Variants in GALNT13 observed in about 807,000 individuals in gnomAD.
The protein encoded by GALNT13 is UDP-GalNAc:polypeptide N-acetylgalactosaminyltransferase 13.
Under a neutral mutation model 64.2 loss-of-function variants are expected in GALNT13, and 28 were observed. The observed-to-expected ratio is 0.44, with a 90% CI of 0.32 to 0.60. GALNT13 has a LOEUF of 0.60. Among genes scored for constraint, GALNT13 ranks in the 20% least tolerant of loss-of-function variants. GALNT13 has a pLI of 0.05. For missense variants in GALNT13, 577 were observed against 669.8 expected, an observed-to-expected ratio of 0.86 and a Z score of 1.53; for synonymous variants, 214 against 224.6, an observed-to-expected ratio of 0.95 and a Z score of 0.42.
intron 3 of GALNT13, among the ~76,000 whole-genome samples, chr2:154,113,390 G>A (rs1558965216): frequency 6.6e-6 from 1 of 152,166 alleles, no homozygotes; most frequent in Admixed American, 6.5e-5. Context: ...GCAGCCTTTC[G>A]GGTCACTTGA....
chr2:153,987,917 C>G (rs538721384), intron 3 of GALNT13, among the ~76,000 whole-genome samples: 1 of 151,852 alleles, frequency 6.6e-6, no homozygotes, highest in Admixed American at 6.6e-5. Flanking sequence ...ATTAAAAGGT[C>G]TGAAACTATT....
At chr2:153,875,593 G>A (rs1398069295) in intron 1 of GALNT13, among the ~76,000 whole-genome samples, 1 of 152,150 alleles carries the variant, frequency 6.6e-6, no homozygotes, top group African/African-American at 2.4e-5. Context: ...AGCTTGTACA[G>A]CTTATAAAGA....
chr2:153,432,564 C>T, the GALNT13 span, among the ~76,000 whole-genome samples: 2 of 152,094 alleles, frequency 1.3e-5, no homozygotes, highest in Admixed American at 1.3e-4. Context: ...CAGATTAATA[C>T]ACACTTGGGT....
At chr2:153,263,240 G>A in the GALNT13 span, among the ~76,000 whole-genome samples, 1 of 151,880 alleles carries the variant, frequency 6.6e-6, no homozygotes, top group Non-Finnish European at 1.5e-5. Context: ...AGCTAACAAG[G>A]GAAGTGAAGG....
At chr2:153,630,715 A>C in the GALNT13 span, among the ~76,000 whole-genome samples, 1 of 139,032 alleles carries the variant, frequency 7.2e-6, no homozygotes, top group African/African-American at 2.6e-5. Context: ...AGATGGATTA[A>C]AGAATTAAAT....
chr2:153,383,734 T>G, the GALNT13 span, among the ~76,000 whole-genome samples: 1 of 152,036 alleles, frequency 6.6e-6, no homozygotes, highest in African/African-American at 2.4e-5. Context: ...TTCTCCAATT[T>G]ACAAGTAAGA....
At chr2:154,208,771 A>C (rs1687611988) in intron 4 of GALNT13, among the ~76,000 whole-genome samples, 1 of 151,970 alleles carries the variant, frequency 6.6e-6, no homozygotes, top group Non-Finnish European at 1.5e-5. Flanking sequence ...TATTTTTATA[A>C]TCACTTATCA....
At chr2:153,602,136 C>A in the GALNT13 span, among the ~76,000 whole-genome samples, 1 of 151,936 alleles carries the variant, frequency 6.6e-6, no homozygotes, top group South Asian at 2.1e-4. Flanking sequence ...TCTGGCTTAG[C>A]AAACAAAATA....
At chr2:153,615,321 T>C in the GALNT13 span, among the ~76,000 whole-genome samples, 2 of 152,102 alleles carry the variant, frequency 1.3e-5, no homozygotes, top group Admixed American at 1.3e-4. Context: ...TTGTAAACAA[T>C]GCTGCAACAA....
At position 154,100,642 on chromosome 2, in the gene GALNT13, T is replaced by A. The variant is rs79459083; in HGVS notation, c.143-39695T>A. Among the ~76,000 whole-genome samples, 915 of 152,228 alleles carry A rather than the reference T, an allele frequency of 6.0e-3. 11 individuals carry two copies. Among genetic ancestry groups the A allele is most frequent in the African/African-American group, 0.021 (880 of 41,552 alleles). On this transcript the variant is annotated intron_variant, in intron 3 of 12. Coordinates refer to ENST00000392825, the MANE Select transcript of GALNT13 (RefSeq NM_052917.4). The stretch of plus-strand genomic sequence containing the variant: ...GGTTTCTAGGTATAAGTTCATGTTG[T>A]AAGTGAAGAGAGATAATTTCACTTG...
intron 3 of GALNT13, among the ~76,000 whole-genome samples, chr2:154,000,238 G>A (rs1248055408): frequency 1.3e-5 from 2 of 151,120 alleles, no homozygotes; most frequent in African/African-American, 4.9e-5. Flanking sequence ...AGCTAAAATT[G>A]TATCTGTTCG....
chr2:154,294,461 G>A (rs1236296397), intron 8 of GALNT13, among the ~76,000 whole-genome samples: 5 of 152,166 alleles, frequency 3.3e-5, no homozygotes, highest in Admixed American at 6.5e-5. Context: ...TTCATTTCCT[G>A]TTCTGTGTGC....
At chr2:154,125,458 T>C (rs1682205705) in intron 3 of GALNT13, among the ~76,000 whole-genome samples, 1 of 152,216 alleles carries the variant, frequency 6.6e-6, no homozygotes, top group African/African-American at 2.4e-5. Flanking sequence ...CAAAACTTAA[T>C]GTTCAGTTAT....
chr2:154,358,488 A>G (rs951999882), intron 9 of GALNT13, among the ~76,000 whole-genome samples: 1 of 152,090 alleles, frequency 6.6e-6, no homozygotes, highest in Non-Finnish European at 1.5e-5. Flanking sequence ...ACAATTCCGT[A>G]TATATTAAAG....
chr2:153,311,056 C>G, the GALNT13 span, among the ~76,000 whole-genome samples: 1 of 152,112 alleles, frequency 6.6e-6, no homozygotes, highest in Admixed American at 6.5e-5. Context: ...TTGGCCCAAA[C>G]AAGCCCATAT....
At chr2:153,652,343 G>A in the GALNT13 span, among the ~76,000 whole-genome samples, 4 of 152,150 alleles carry the variant, frequency 2.6e-5, no homozygotes, top group Admixed American at 6.6e-5. Context: ...GGCAGAGGCT[G>A]CAGACGGTGA....
At chr2:153,460,587 T>C in the GALNT13 span, among the ~76,000 whole-genome samples, 1 of 152,174 alleles carries the variant, frequency 6.6e-6, no homozygotes, top group Admixed American at 6.5e-5. Context: ...TATTAAGTTA[T>C]GAGTTATATA....
intron 11 of GALNT13, 143 bp from the exon 12 acceptor site, chr2:154,438,449 T>A (rs1209275128): frequency 3.6e-6 from 2 of 553,002 alleles, no homozygotes; most frequent in Non-Finnish European, 6.3e-6. Flanking sequence ...CTCAAAGAGA[T>A]GAATTAGCTT....
intron 4 of GALNT13, among the ~76,000 whole-genome samples, chr2:154,214,457 C>T (rs1687938238): frequency 6.6e-6 from 1 of 152,118 alleles, no homozygotes; most frequent in African/African-American, 2.4e-5. Context: ...GGGGAACCAG[C>T]CTTTCCCTAT....
Sources: allele counts gnomAD v4.1 joint callset (sites outside exome capture counted in the v4.1 genomes callset), GRCh38; gene constraint gnomAD v4.1.1; transcripts MANE v1.5; gene names NCBI Gene and HGNC (gene_info 2026-07-23, HGNC 2026-07-21).